The following LRRC4C variants were observed in gnomAD, a reference collection of about 807,000 sequenced individuals.
The protein encoded by LRRC4C is leucine rich repeat containing 4C.
A neutral mutation model predicts 33.6 loss-of-function variants in LRRC4C; 5 were observed. That is an observed-to-expected ratio of 0.15 (90% confidence interval 0.08 to 0.31). The LOEUF (loss-of-function observed/expected upper bound fraction) is 0.31. Among genes scored for constraint, LRRC4C ranks in the 10% least tolerant of loss-of-function variants. The pLI, the probability that LRRC4C is intolerant of heterozygous loss-of-function variation, is 1.00. For missense variants in LRRC4C, 560 were observed against 796.7 expected (o/e 0.70, Z 3.58); for synonymous variants, 329 against 302.0 (o/e 1.09, Z -0.93).
chr11:40,684,039 C>A (rs763303615), intron 2 of LRRC4C, among the ~76,000 whole-genome samples: 1 of 152,044 alleles, frequency 6.6e-6, no homozygotes, highest in Non-Finnish European at 1.5e-5. Flanking sequence ...CAAATAAAAT[C>A]TCAGTAAAAA....
Position 40,542,261 on chromosome 11 carries a change from T to C in LRRC4C, c.-270+105881A>G, listed in dbSNP as rs192252469. On this transcript the variant is annotated intron_variant, in intron 3 of 6. Coordinates refer to ENST00000528697, the MANE Select transcript of LRRC4C (RefSeq NM_001258419.2). ...CTGCACCCCACCCCAACTACAAAAA[T>C]AAAGGGGTGTGATCATTAAAACAAG... Among the ~76,000 whole-genome samples, 4 of 152,104 alleles carry C rather than the reference T, an allele frequency of 2.6e-5. No homozygotes were observed. The East Asian group carries it at 7.7e-4, about 29-fold the overall frequency.
At chr11:40,945,080 C>T (rs1321457474) in intron 1 of LRRC4C, among the ~76,000 whole-genome samples, 5 of 137,964 alleles carry the variant, frequency 3.6e-5, no homozygotes, top group Admixed American at 1.6e-4. Context: ...CGGGCTGGAG[C>T]GCAGTGGCGC....
chr11:40,200,451 C>A (rs1035075888), intron 5 of LRRC4C, among the ~76,000 whole-genome samples: 37 of 151,756 alleles, frequency 2.4e-4, no homozygotes, highest in African/African-American at 9.0e-4. Flanking sequence ...TGAGAAAACA[C>A]CAGAAGCAGA....
intron 1 of LRRC4C, among the ~76,000 whole-genome samples, chr11:41,119,766 C>A (rs1323394308): frequency 6.6e-6 from 1 of 152,090 alleles, no homozygotes; most frequent in Non-Finnish European, 1.5e-5. Context: ...GAAAAGTTGA[C>A]CTGGTTTCAC....
At chr11:40,686,152 T>C (rs990994761) in intron 2 of LRRC4C, among the ~76,000 whole-genome samples, 1 of 152,242 alleles carries the variant, frequency 6.6e-6, no homozygotes, top group Non-Finnish European at 1.5e-5. Context: ...CTTGGGATCC[T>C]GGACATGTTT....
chr11:40,671,656 T>TA (rs1229000326), intron 2 of LRRC4C, among the ~76,000 whole-genome samples: 2 of 104,264 alleles, frequency 1.9e-5, no homozygotes, highest in African/African-American at 7.6e-5. Context: ...AGTGTGTGTG[T>TA]GTGTGTGTGT....
chr11:41,084,130 C>G (rs1939781898), intron 1 of LRRC4C, among the ~76,000 whole-genome samples: 1 of 152,172 alleles, frequency 6.6e-6, no homozygotes, highest in Non-Finnish European at 1.5e-5. Flanking sequence ...GCCAGTGTAT[C>G]TGCTCAAGAA....
chr11:40,452,011 GA>G (rs1339710475), intron 3 of LRRC4C, among the ~76,000 whole-genome samples: 1 of 152,138 alleles, frequency 6.6e-6, no homozygotes, highest in African/African-American at 2.4e-5. Flanking sequence ...CCTCACCCAG[GA>G]AGTGCAAGGG....
intron 3 of LRRC4C, among the ~76,000 whole-genome samples, chr11:40,379,423 A>G (rs978002889): frequency 6.6e-6 from 1 of 152,158 alleles, no homozygotes; most frequent in Non-Finnish European, 1.5e-5. Flanking sequence ...ATCTACCTTC[A>G]CCCAAATCAT....
chr11:40,473,220 C>T (rs181536897), intron 3 of LRRC4C, among the ~76,000 whole-genome samples: 20 of 152,232 alleles, frequency 1.3e-4, no homozygotes, highest in African/African-American at 4.3e-4. Flanking sequence ...ACTGGCAAAC[C>T]AAATGCAGCA....
In LRRC4C at chr11:40,867,492, G is replaced by A. The variant is rs572604241; in HGVS notation, c.-407+66143C>T. ...ATTAGTATCACTATTATTGCCCTGT[G>A]CATTCACATTCCATTTTTTGTATAG... On this transcript the variant is annotated intron_variant, in intron 2 of 6. Transcript: ENST00000528697. 3.9e-5 allele frequency among the ~76,000 whole-genome samples: 6 copies of A among 152,286 alleles called. No homozygotes were observed. The East Asian group carries it at 1.2e-3, about 29-fold the overall frequency.
chr11:40,594,238 C>T (rs1959173083), intron 3 of LRRC4C, among the ~76,000 whole-genome samples: 1 of 152,098 alleles, frequency 6.6e-6, no homozygotes, highest in Non-Finnish European at 1.5e-5. Context: ...GTTTGTTGAC[C>T]CCTTGCAGTG....
intron 3 of LRRC4C, among the ~76,000 whole-genome samples, chr11:40,593,960 T>C (rs925143441): frequency 3.3e-5 from 5 of 152,204 alleles, no homozygotes; most frequent in African/African-American, 1.2e-4. Context: ...ATCATATTCT[T>C]TCCAGTTATG....
chr11:40,519,482 G>C (rs1955715275), intron 3 of LRRC4C, among the ~76,000 whole-genome samples: 1 of 152,094 alleles, frequency 6.6e-6, no homozygotes, highest in Non-Finnish European at 1.5e-5. Context: ...ACCTCTTCTA[G>C]CTTCAAACTT....
intron 1 of LRRC4C, among the ~76,000 whole-genome samples, chr11:41,328,870 A>G (rs1376215626): frequency 6.6e-6 from 1 of 152,160 alleles, no homozygotes; most frequent in Non-Finnish European, 1.5e-5. Flanking sequence ...TGGTTTGGAC[A>G]TTTTATCCTC....
rs138941008 is a variant in LRRC4C, at chr11:40,617,326, T to C, written c.-270+30816A>G. Among the ~76,000 whole-genome samples the C allele has an allele frequency of 1.4e-3, 219 of 151,810 alleles. 1 individual carries two copies. The highest frequency in any genetic ancestry group is 5.1e-3 in the African/African-American group (213 of 41,488). On this transcript the variant is annotated intron_variant, in intron 3 of 6. Coordinates refer to ENST00000528697, the MANE Select transcript of LRRC4C (RefSeq NM_001258419.2). ...TAAAGGAGGTTTAGGTCTAAAGAAT[T>C]CCATATCCCTAAAGTCCTCATTGTT...
At chr11:40,693,486 G>A (rs556728775) in intron 2 of LRRC4C, among the ~76,000 whole-genome samples, 101 of 152,134 alleles carry the variant, frequency 6.6e-4, no homozygotes, top group Non-Finnish European at 1.3e-3. Context: ...GTAGGGTGAG[G>A]GCCGGGCTCT....
intron 5 of LRRC4C, among the ~76,000 whole-genome samples, chr11:40,156,266 A>G (rs1858682501): frequency 6.6e-6 from 1 of 152,142 alleles, no homozygotes; most frequent in African/African-American, 2.4e-5. Context: ...GGAAAAGTTG[A>G]AAGCATTCCC....
At chr11:40,503,391 C>G (rs545533254) in intron 3 of LRRC4C, among the ~76,000 whole-genome samples, 1 of 152,254 alleles carries the variant, frequency 6.6e-6, no homozygotes, top group African/African-American at 2.4e-5. Context: ...ATGAATTACA[C>G]TTTATTTATA....
Sources: allele counts gnomAD v4.1 joint callset (sites outside exome capture counted in the v4.1 genomes callset), GRCh38; gene constraint gnomAD v4.1.1; transcripts MANE v1.5; gene names NCBI Gene and HGNC (gene_info 2026-07-23, HGNC 2026-07-21).